Variants in PCDHGA3 observed in about 807,000 individuals in gnomAD.
PCDHGA3 encodes protocadherin gamma-A3.
PCDHGA3 carries 40 observed loss-of-function variants against 58.5 expected under a neutral mutation model. The ratio of observed to expected loss-of-function variants is 0.68; its 90% CI spans 0.53 to 0.89. PCDHGA3 has a LOEUF of 0.89. PCDHGA3 is among the 40% of genes least tolerant of loss of function. The pLI is 0.00. For synonymous variants in PCDHGA3, 530 were observed against 525.7 expected (o/e 1.01, Z -0.11); for missense variants, 1,223 against 1,195.9 (o/e 1.02, Z -0.33).
intron 1 of PCDHGA3, among the ~76,000 whole-genome samples, chr5:141,438,678 G>C (rs2098050264): frequency 7.1e-6 from 1 of 140,560 alleles, no homozygotes; most frequent in African/African-American, 2.6e-5. Context: ...ATTTGGAGTA[G>C]GGGATGGAGT....
In PCDHGA3 at chr5:141,360,565, G is replaced by A. The variant is rs180935383; in HGVS notation, c.2424+14108G>A. On this transcript the variant is annotated intron_variant, in intron 1 of 3. Coordinates refer to ENST00000253812, the MANE Select transcript of PCDHGA3 (RefSeq NM_018916.4). Reference sequence around the variant, plus strand: ...GACTAAGATTAATTTAAAAATTGGCGAATCCACTAAGCCAGGTACAACATT... The same window carrying A: ...GACTAAGATTAATTTAAAAATTGGCAAATCCACTAAGCCAGGTACAACATT... 1.0e-4 allele frequency: 167 copies of A among 1,613,896 alleles called. No homozygotes were observed. The African/African-American group carries it at 1.9e-3, about 18-fold the overall frequency.
intron 1 of PCDHGA3, chr5:141,384,152 A>G: frequency 2.5e-6 from 4 of 1,613,508 alleles, no homozygotes; most frequent in Non-Finnish European, 3.4e-6. Flanking sequence ...CTCTCTTTGT[A>G]TAACATCACA....
chr5:141,356,806 G>A, intron 1 of PCDHGA3: 1 of 1,614,010 alleles, frequency 6.2e-7, no homozygotes, highest in Non-Finnish European at 8.5e-7. Context: ...GACAGCCAGT[G>A]ACAGTGGAGA....
At chr5:141,446,102 A>C (rs751362645) in intron 1 of PCDHGA3, among the ~76,000 whole-genome samples, 1 of 152,214 alleles carries the variant, frequency 6.6e-6, no homozygotes, top group Non-Finnish European at 1.5e-5. Context: ...TGAATTATAG[A>C]TATATTTAGG....
At position 141,489,852 on chromosome 5, in the gene PCDHGA3, C is replaced by G. The variant is rs1197191101; in HGVS notation, c.2425-4955C>G. ...TAGAGCAGCAGCTGGATCGTGAAGC[C>G]CAGGCAAGACATCAGCTGGTGCTTA... On this transcript the variant is annotated intron_variant, in intron 1 of 3. Transcript: ENST00000253812. This position sits in a 1 kb window ranked among gnomAD's most constrained non-coding sequence, Gnocchi z 4.5. The G allele has an allele frequency of 6.2e-7, 1 of 1,614,034 alleles. No homozygotes were observed. Among genetic ancestry groups the G allele is most frequent in the Admixed American group, 1.7e-5 (1 of 60,004 alleles).
At position 141,476,015 on chromosome 5, in the gene PCDHGA3, C is replaced by A; in HGVS notation, c.2425-18792C>A. The A allele has an allele frequency of 7.4e-7, 1 of 1,344,728 alleles. No individual in the cohort carries two copies. The highest frequency in any genetic ancestry group is 1.0e-6 in the Non-Finnish European group (1 of 992,700). The allele number at this position is 1,344,728 out of a possible 1,614,324, so 83.3% of individuals were successfully genotyped here. A position where few individuals can be genotyped will look rare whatever the true frequency, so the allele number is the denominator to read the frequency against. ...ATCAACGGCATCCAGAAAGCCATGT[C>A]GGACTCGGCGCCCAGCGCCCAAGCG... On this transcript the variant is annotated intron_variant, in intron 1 of 3. Coordinates refer to ENST00000253812, the MANE Select transcript of PCDHGA3 (RefSeq NM_018916.4). This position sits in a 1 kb window ranked among gnomAD's most constrained non-coding sequence, Gnocchi z 7.6.
intron 1 of PCDHGA3, chr5:141,424,664 A>T (rs923488035): frequency 6.6e-6 from 1 of 152,124 alleles, no homozygotes; most frequent in African/African-American, 2.4e-5. Flanking sequence ...CTTTAATTAA[A>T]CTGATTTAGC....
At chr5:141,419,702 G>T (rs116279995) in intron 1 of PCDHGA3, 2 of 1,612,834 alleles carry the variant, frequency 1.2e-6, no homozygotes, top group East Asian at 4.5e-5. Context: ...CAGTGAGCCC[G>T]GGCTCTTCAG....
At chr5:141,387,976 A>G (rs1406804687) in intron 1 of PCDHGA3, 2 of 1,490,180 alleles carry the variant, frequency 1.3e-6, no homozygotes, top group South Asian at 2.6e-5. Context: ...GCGCTCTGTG[A>G]GCAGATCCGC....
intron 1 of PCDHGA3, among the ~76,000 whole-genome samples, chr5:141,348,064 T>C (rs1758058458): frequency 6.6e-6 from 1 of 152,238 alleles, no homozygotes. Context: ...TTTTGTCATG[T>C]TCTACAACTT....
chr5:141,383,381 A>G, intron 1 of PCDHGA3: 2 of 1,614,034 alleles, frequency 1.2e-6, no homozygotes, highest in Non-Finnish European at 1.7e-6. Flanking sequence ...GGGGATCCAG[A>G]TGTGGGCACG....
At chr5:141,478,098 C>T (rs779493391) in intron 1 of PCDHGA3, 1 of 1,614,142 alleles carries the variant, frequency 6.2e-7, no homozygotes, top group South Asian at 1.1e-5. Flanking sequence ...ACCACTGCTA[C>T]CCTCACTGTG....
chr5:141,508,974 G>A (rs962653911), intron 3 of PCDHGA3, among the ~76,000 whole-genome samples: 2 of 152,128 alleles, frequency 1.3e-5, no homozygotes, highest in Non-Finnish European at 2.9e-5. Flanking sequence ...AAAGGGCTGG[G>A]GGTGGGGGCC....
At position 141,489,586 on chromosome 5, in the gene PCDHGA3, C is replaced by T; in HGVS notation, c.2425-5221C>T. 1 of 1,614,082 alleles carries T rather than the reference C, an allele frequency of 6.2e-7. No individual in the cohort carries two copies. The highest frequency in any genetic ancestry group is 8.5e-7 in the Non-Finnish European group (1 of 1,179,988). On this transcript the variant is annotated intron_variant, in intron 1 of 3. Coordinates refer to ENST00000253812, the MANE Select transcript of PCDHGA3 (RefSeq NM_018916.4). This position sits in a 1 kb window ranked among gnomAD's most constrained non-coding sequence, Gnocchi z 4.5. ...GGTGGTGACTGAACACCCCCTGGAG[C>T]TAATCCGTGTAGAGGTAGAGATCCT...
intron 1 of PCDHGA3, chr5:141,440,479 T>C (rs949675242): frequency 6.6e-6 from 1 of 152,172 alleles, no homozygotes; most frequent in African/African-American, 2.4e-5. Context: ...TTGAAAATTC[T>C]TTAAATGTTT....
intron 1 of PCDHGA3, chr5:141,421,719 C>T (rs2096595246): frequency 6.2e-7 from 1 of 1,613,942 alleles, no homozygotes; most frequent in Non-Finnish European, 8.5e-7. Flanking sequence ...CAGATGTGGG[C>T]GTGAACTCCC....
intron 1 of PCDHGA3, chr5:141,388,777 A>C: frequency 6.2e-7 from 1 of 1,613,964 alleles, no homozygotes; most frequent in South Asian, 1.1e-5. Flanking sequence ...AACACCGGGG[A>C]AATTACTGTT....
intron 1 of PCDHGA3, chr5:141,355,229 A>G: frequency 1.9e-6 from 3 of 1,611,306 alleles, no homozygotes; most frequent in Non-Finnish European, 2.5e-6. Flanking sequence ...CGCCCAGACC[A>G]CACCCGGCTG....
Position 141,344,207 on chromosome 5 carries a change from G to C in PCDHGA3, c.174G>C (p.Glu58Asp). ...ACGACCTGGGGCTAGAGCCCCGGGA[G>C]CTGGCGGAGCGCGGAGTCCGCATCG... is the stretch of plus-strand genomic sequence containing the variant. Reference protein sequence around the residue: ...IANDLGLEPRELAERGVRIVS... With the variant: ...IANDLGLEPRDLAERGVRIVS... The change falls in exon 1 of 4, where the codon GAG (glutamate) becomes GAC (aspartate). Residue 58 changes from glutamate (E) to aspartate (D), a missense_variant. By Grantham distance (45) the Glu-to-Asp change is conservative (BLOSUM62 2). Around this residue, in one of 3 missense-constraint regions of PCDHGA3, gnomAD observed 791 missense variants for 708.5 expected, o/e 1.12. Transcript: ENST00000253812. The C allele has an allele frequency of 6.2e-7, 1 of 1,614,040 alleles. No homozygotes were observed. The highest frequency in any genetic ancestry group is 8.5e-7 in the Non-Finnish European group (1 of 1,179,912).
Sources: allele counts gnomAD v4.1 joint callset (sites outside exome capture counted in the v4.1 genomes callset), GRCh38; gene constraint gnomAD v4.1.1; regional missense constraint gnomAD v4.1.1; non-coding constraint Gnocchi (gnomAD v3.1); transcripts MANE v1.5; gene names NCBI Gene and HGNC (gene_info 2026-07-23, HGNC 2026-07-21).